The following DIP2B variants were observed in gnomAD, a reference collection of about 807,000 sequenced individuals.
The protein encoded by DIP2B is DIP2 acetate--CoA ligase B (putative).
A neutral mutation model predicts 198.0 loss-of-function variants in DIP2B; 76 were observed. The ratio of observed to expected loss-of-function variants is 0.38; its 90% CI spans 0.32 to 0.46. The LOEUF is 0.46. DIP2B is among the 20% of genes least tolerant of loss of function. The probability of loss-of-function intolerance (pLI) is 0.99; values close to 1 mark genes in which losing one functional copy is unlikely to be tolerated. For missense variants in DIP2B, 1,559 were observed against 1,978.4 expected, an observed-to-expected ratio of 0.79 and a Z score of 4.02; for synonymous variants, 701 against 739.1, an observed-to-expected ratio of 0.95 and a Z score of 0.84.
At chr12:50,655,588 A>G (rs1593691557) in intron 3 of DIP2B, among the ~76,000 whole-genome samples, 1 of 152,252 alleles carries the variant, frequency 6.6e-6, no homozygotes, top group African/African-American at 2.4e-5. Context: ...GCTTTTGACC[A>G]TGATACTTTA....
intron 28 of DIP2B, among the ~76,000 whole-genome samples, chr12:50,726,809 A>G (rs1013750869): frequency 1.3e-5 from 2 of 151,868 alleles, no homozygotes; most frequent in African/African-American, 2.4e-5. Flanking sequence ...ATAGATTACT[A>G]TTCTTAAAAT....
chr12:50,632,143 T>C (rs1938067886), intron 2 of DIP2B, among the ~76,000 whole-genome samples: 1 of 152,158 alleles, frequency 6.6e-6, no homozygotes, highest in Non-Finnish European at 1.5e-5. Flanking sequence ...GTTTGACTTT[T>C]TAAATGGCAT....
rs111441011 is a variant in DIP2B, at chr12:50,683,552, C to T, written c.1317+304C>T. 2.2e-4 allele frequency among the ~76,000 whole-genome samples: 34 copies of T among 151,180 alleles called. 1 individual carries two copies. Among genetic ancestry groups the T allele is most frequent in the Middle Eastern group, 3.5e-3 (1 of 286 alleles). On this transcript the variant is annotated intron_variant, in intron 10 of 37. Coordinates refer to ENST00000301180, the MANE Select transcript of DIP2B (RefSeq NM_173602.3). ...ATCACAGCACTTTGGGAAGCTGAGGCGGGGGGATCACAAGGTCAGGAGATC... is the reference window on the plus strand; with the variant it reads ...ATCACAGCACTTTGGGAAGCTGAGGTGGGGGGATCACAAGGTCAGGAGATC...
intron 1 of DIP2B, among the ~76,000 whole-genome samples, chr12:50,524,605 T>C (rs1238859593): frequency 6.6e-6 from 1 of 152,160 alleles, no homozygotes; most frequent in South Asian, 2.1e-4. Context: ...CTGGTGTTTA[T>C]TGAGTGCCTA....
intron 1 of DIP2B, among the ~76,000 whole-genome samples, chr12:50,562,115 T>G (rs915123985): frequency 2.6e-5 from 4 of 152,214 alleles, no homozygotes; most frequent in Non-Finnish European, 5.9e-5. Context: ...ATTATTTTAG[T>G]TATCTCCCTG....
At chr12:50,697,539 T>TC (rs2139556803) in intron 17 of DIP2B, among the ~76,000 whole-genome samples, 1 of 130,008 alleles carries the variant, frequency 7.7e-6, no homozygotes, top group South Asian at 2.7e-4. Flanking sequence ...TATACTTTTT[T>TC]TTTTTTTTTT....
At position 50,660,289 on chromosome 12, in the gene DIP2B, C is replaced by A; in HGVS notation, c.397C>A (p.Gln133Lys). 2.5e-6 allele frequency: 4 copies of A among 1,611,462 alleles called. No homozygotes were observed. The highest frequency in any genetic ancestry group is 1.7e-5 in the Admixed American group (1 of 59,696). ...AACCAAAAGGCGATCCACATTTGTTCAGTCTCCTGCAGATGCCTGCACACC... is the reference window on the plus strand; with the variant it reads ...AACCAAAAGGCGATCCACATTTGTTAAGTCTCCTGCAGATGCCTGCACACC... The part of the protein sequence containing the change: ...MPTKRRSTFV[Q>K]SPADACTPPD... Residue 133 changes from glutamine to lysine, a missense_variant, in exon 4 of 38, where the codon CAG becomes AAG. Gln to Lys is a moderately conservative substitution (Grantham distance 53). Coordinates refer to ENST00000301180, the MANE Select transcript of DIP2B (RefSeq NM_173602.3).
chr12:50,604,944 G>A (rs1012581734), intron 1 of DIP2B, among the ~76,000 whole-genome samples: 15 of 152,046 alleles, frequency 9.9e-5, no homozygotes, highest in Admixed American at 8.5e-4. Flanking sequence ...GTACGTAGCC[G>A]GTATCACTTC....
At chr12:50,679,820 T>C (rs1354281303) in intron 8 of DIP2B, 1 of 152,248 alleles carries the variant, frequency 6.6e-6, no homozygotes, top group Non-Finnish European at 1.5e-5. Context: ...TTTTAATGTT[T>C]GTTTTTACTA....
chr12:50,736,881 G>C (rs1255423541), intron 34 of DIP2B, among the ~76,000 whole-genome samples, 155 bp from the exon 35 acceptor site: 1 of 152,216 alleles, frequency 6.6e-6, no homozygotes, highest in Non-Finnish European at 1.5e-5. Flanking sequence ...CAAGGTCTCT[G>C]CCATGATCCC....
chr12:50,530,291 A>G (rs1026607667), intron 1 of DIP2B, among the ~76,000 whole-genome samples: 1 of 152,190 alleles, frequency 6.6e-6, no homozygotes, highest in Non-Finnish European at 1.5e-5. Context: ...TGTGTTAGCC[A>G]GGATGGTCTC....
chr12:50,535,125 G>A (rs994420048), intron 1 of DIP2B, among the ~76,000 whole-genome samples: 5 of 152,038 alleles, frequency 3.3e-5, no homozygotes, highest in Non-Finnish European at 7.4e-5. Context: ...CCAGCTACCC[G>A]GGATGCTAAG....
At chr12:50,732,668 T>A in intron 32 of DIP2B, 132 bp downstream of exon 32, 1 of 1,114,606 alleles carries the variant, frequency 9.0e-7, no homozygotes, top group Middle Eastern at 2.1e-4. Flanking sequence ...CTTCGGGCTT[T>A]TAAATCTCGA....
chr12:50,724,788 C>T lies in DIP2B; in HGVS notation c.3302C>T (p.Ala1101Val), dbSNP rs141470115. 5 of 1,613,984 alleles carry T rather than the reference C, an allele frequency of 3.1e-6. No individual in the cohort carries two copies. Among genetic ancestry groups the T allele is most frequent in the Middle Eastern group, 1.6e-4 (1 of 6,064 alleles). ...VRMIVDVSKA[A>V]CILTSQTLMR... ...TTTGTTTTCTAGGTCAGCAAAGCAGCCTGTATTCTCACCAGTCAGACCCTA... is the reference window on the plus strand; with the variant it reads ...TTTGTTTTCTAGGTCAGCAAAGCAGTCTGTATTCTCACCAGTCAGACCCTA... Residue 1101 changes from alanine to valine, a missense_variant, in exon 28 of 38, where the codon GCC (alanine) becomes GTC (valine). Ala to Val is a moderately conservative substitution (Grantham distance 64). Coordinates refer to ENST00000301180, the MANE Select transcript of DIP2B (RefSeq NM_173602.3).
In DIP2B at chr12:50,714,669, T is replaced by G. The variant is rs192193156; in HGVS notation, c.2851+73T>G. ...AAGCTGGGTTCTCTCAGTGTGATTC[T>G]TTCTCTACAATTAGTTTACAAAGAC... is the stretch of plus-strand genomic sequence containing the variant. On this transcript the variant is annotated intron_variant, in intron 23 of 37. Coordinates refer to ENST00000301180, the MANE Select transcript of DIP2B (RefSeq NM_173602.3). The G allele has an allele frequency of 2.6e-4, 412 of 1,563,362 alleles. 1 individual carries two copies. The African/African-American group carries it at 4.9e-3, about 19-fold the overall frequency.
At chr12:50,658,814 C>T (rs780982375) in intron 3 of DIP2B, among the ~76,000 whole-genome samples, 2 of 152,076 alleles carry the variant, frequency 1.3e-5, no homozygotes, top group African/African-American at 2.4e-5. Context: ...GCTGGCCGGG[C>T]GTGGTGGCTC....
At chr12:50,690,012 G>A (rs1019052399) in intron 12 of DIP2B, among the ~76,000 whole-genome samples, 2 of 151,946 alleles carry the variant, frequency 1.3e-5, no homozygotes. Context: ...TCAGTTGACT[G>A]TTCACAGTCA....
intron 1 of DIP2B, among the ~76,000 whole-genome samples, chr12:50,557,100 G>T (rs111838971): frequency 0.055 from 8,389 of 152,182 alleles, 317 homozygotes; most frequent in Non-Finnish European, 0.084. Flanking sequence ...GCCTGCCTCC[G>T]CTTCCCAAAG....
chr12:50,662,447 T>C (rs1197897450), intron 4 of DIP2B, among the ~76,000 whole-genome samples: 1 of 152,252 alleles, frequency 6.6e-6, no homozygotes, highest in African/African-American at 2.4e-5. Flanking sequence ...TACTTTGCTC[T>C]AGTGAGGAAA....
Sources: gnomAD v4.1 joint callset for allele counts (sites outside exome capture counted in the v4.1 genomes callset) on GRCh38, gnomAD v4.1.1 for gene constraint, MANE v1.5 for transcripts, NCBI Gene and HGNC (gene_info 2026-07-23, HGNC 2026-07-21) for gene names.